Variants in NBEAL1 observed in about 807,000 individuals in gnomAD.
NBEAL1 encodes neurobeachin-like protein 1.
NBEAL1 carries 273 observed loss-of-function variants against 351.3 expected under a neutral mutation model. The ratio of observed to expected loss-of-function variants is 0.78; its 90% CI spans 0.70 to 0.86. The LOEUF (loss-of-function observed/expected upper bound fraction) is 0.86. NBEAL1 is among the 40% of genes least tolerant of loss of function. The pLI is 0.00. For synonymous variants in NBEAL1, 1,050 were observed against 1,086.4 expected (o/e 0.97, Z 0.66); for missense variants, 2,961 against 3,201.3 (o/e 0.92, Z 1.81).
In NBEAL1 at chr2:203,084,572, A is replaced by G. The variant is rs1170514761; in HGVS notation, c.1098+3A>G. The G allele has an allele frequency of 6.9e-7, 1 of 1,455,774 alleles. No homozygotes were observed. The highest frequency in any genetic ancestry group is 1.4e-5 in the South Asian group (1 of 72,246). The allele number at this position is 1,455,774 out of a possible 1,614,324, so 90.2% of individuals were successfully genotyped here. A position where few individuals can be genotyped will look rare whatever the true frequency, so the allele number is the denominator to read the frequency against. On this transcript the variant is annotated splice_donor_region_variant and intron_variant, in intron 10 of 55. Transcript: ENST00000683969. ...TACGACTGCTACAGAACTGCAAGGT[A>G]TTTTTCTATTATTGTTGTTGTCTTT...
At chr2:203,143,688 G>A (rs1244356725) in intron 31 of NBEAL1, among the ~76,000 whole-genome samples, 4 of 152,084 alleles carry the variant, frequency 2.6e-5, no homozygotes, top group Non-Finnish European at 5.9e-5. Flanking sequence ...AGCCATTGTT[G>A]GTAGACAGTT....
intron 31 of NBEAL1, 49 bp downstream of exon 31, chr2:203,138,797 T>A (rs1270816404): frequency 6.6e-7 from 1 of 1,523,872 alleles, no homozygotes; most frequent in African/African-American, 1.4e-5. Context: ...GCAGCATAGG[T>A]ATTATTTATG....
intron 47 of NBEAL1, among the ~76,000 whole-genome samples, chr2:203,196,646 C>T (rs966009034): frequency 2.6e-5 from 4 of 152,092 alleles, no homozygotes; most frequent in Non-Finnish European, 4.4e-5. Flanking sequence ...TACTTAGTCC[C>T]TATTAAGTTC....
At chr2:203,207,169 G>GC (rs2065614468) in intron 51 of NBEAL1, among the ~76,000 whole-genome samples, 1 of 151,262 alleles carries the variant, frequency 6.6e-6, no homozygotes, top group South Asian at 2.1e-4. Context: ...GAAGTGAGGA[G>GC]CCCCTCCGCC....
Position 203,149,094 on chromosome 2 carries a change from G to T in NBEAL1, c.5408G>T (p.Arg1803Leu). The part of the protein sequence containing the change: ...LSSQQLATLR[R>L]WKAIQLYLTC... ...AGTCAACAGTTAGCCACTCTTAGAC[G>T]CTGGAAAGCAATACAGCTCTATCTT... Residue 1803 changes from arginine (R) to leucine (L), a missense_variant, in exon 34 of 56, where the codon CGC (arginine) becomes CTC (leucine). Arg to Leu is a moderately radical substitution (Grantham distance 102). Coordinates refer to ENST00000683969, the MANE Select transcript of NBEAL1 (RefSeq NM_001378026.1). 2.5e-6 allele frequency: 4 copies of T among 1,612,274 alleles called. No homozygotes were observed. The highest frequency in any genetic ancestry group is 3.4e-6 in the Non-Finnish European group (4 of 1,178,804).
intron 51 of NBEAL1, among the ~76,000 whole-genome samples, chr2:203,207,025 T>C (rs373684754): frequency 6.9e-6 from 1 of 144,454 alleles, no homozygotes; most frequent in Admixed American, 6.9e-5. Flanking sequence ...AGCGTCTCTG[T>C]CCGGCCGCCC....
intron 24 of NBEAL1, among the ~76,000 whole-genome samples, chr2:203,128,809 G>A (rs1465912978): frequency 2.0e-5 from 3 of 151,788 alleles, no homozygotes; most frequent in Non-Finnish European, 4.4e-5. Flanking sequence ...TGTTGGCCAG[G>A]ATGGTCTCCA....
intron 2 of NBEAL1, among the ~76,000 whole-genome samples, chr2:203,033,171 T>G (rs2060979450): frequency 6.6e-6 from 1 of 151,906 alleles, no homozygotes; most frequent in African/African-American, 2.4e-5. Context: ...TGGCTAATTT[T>G]TTGTATTTTT....
rs753735000 is a variant in NBEAL1, at chr2:203,180,408, A to G, written c.6491A>G (p.His2164Arg). The change falls in exon 43 of 56, where the codon CAT becomes CGT. Residue 2164 changes from histidine to arginine, a missense_variant. Physicochemically the swap from His to Arg is conservative, Grantham distance 29 (BLOSUM62 0). Transcript: ENST00000683969. The part of the protein sequence containing the change: ...GRFDCADRQF[H>R]SIPATWQALM... ...TTTGACTGTGCAGATCGACAGTTCC[A>G]TTCTATTCCTGCTACCTGGCAAGCT... 2 of 1,612,210 alleles carry G rather than the reference A, an allele frequency of 1.2e-6. No individual in the cohort carries two copies. Among genetic ancestry groups the G allele is most frequent in the Admixed American group, 1.7e-5 (1 of 59,820 alleles).
intron 6 of NBEAL1, among the ~76,000 whole-genome samples, chr2:203,067,577 C>T (rs1408898489): frequency 2.6e-5 from 4 of 152,170 alleles, no homozygotes; most frequent in Non-Finnish European, 2.9e-5. Flanking sequence ...CTTAGACCAG[C>T]GCTTTATCAG....
intron 19 of NBEAL1, among the ~76,000 whole-genome samples, chr2:203,124,298 A>C (rs1409926856): frequency 2.0e-5 from 3 of 152,184 alleles, no homozygotes; most frequent in Non-Finnish European, 2.9e-5. Flanking sequence ...AGGCCAGTGC[A>C]CTCCAGCTGA....
rs190652017 is a variant in NBEAL1, at chr2:203,142,569, G to A, written c.4849-2031G>A. Among the ~76,000 whole-genome samples, 140 of 152,222 alleles carry A rather than the reference G, an allele frequency of 9.2e-4. 1 individual carries two copies. The highest frequency in any genetic ancestry group is 2.0e-3 in the Admixed American group (30 of 15,288). On this transcript the variant is annotated intron_variant, in intron 31 of 55. Transcript: ENST00000683969. Reference sequence around the variant, plus strand: ...TATGTCAGTATCCAAAATTAAAGCAGTAGTCAAGTAAATTATCTTATATTC... The same window carrying A: ...TATGTCAGTATCCAAAATTAAAGCAATAGTCAAGTAAATTATCTTATATTC...
chr2:203,075,200 T>C (rs1285017125), intron 7 of NBEAL1: 1 of 152,234 alleles, frequency 6.6e-6, no homozygotes, highest in Non-Finnish European at 1.5e-5. Context: ...TATATTTCCT[T>C]TATGGCAAGA....
intron 2 of NBEAL1, among the ~76,000 whole-genome samples, chr2:203,027,247 G>C (rs900506717): frequency 1.1e-4 from 16 of 152,062 alleles, no homozygotes; most frequent in African/African-American, 3.9e-4. Flanking sequence ...TAAAATAATG[G>C]AATTTACATT....
At chr2:203,211,243 A>G in intron 54 of NBEAL1, 137 bp downstream of exon 54, 1 of 531,482 alleles carries the variant, frequency 1.9e-6, no homozygotes, top group East Asian at 3.6e-5. Flanking sequence ...AGCAAGTATA[A>G]AAAATTGGAG....
chr2:203,184,218 G>A lies in NBEAL1; in HGVS notation c.6705+830G>A, dbSNP rs542923865. On this transcript the variant is annotated intron_variant, in intron 44 of 55. Coordinates refer to ENST00000683969, the MANE Select transcript of NBEAL1 (RefSeq NM_001378026.1). ...GGCCAAGGCGGGCAGATCACCTGAGGTCAGGAATTTGCAACCAGCCTGGCC... is the reference window on the plus strand; with the variant it reads ...GGCCAAGGCGGGCAGATCACCTGAGATCAGGAATTTGCAACCAGCCTGGCC... Among the ~76,000 whole-genome samples the A allele has an allele frequency of 2.6e-5, 4 of 151,994 alleles. No individual in the cohort carries two copies. In the East Asian group the frequency reaches 7.8e-4, roughly 29 times the overall value.
intron 2 of NBEAL1, among the ~76,000 whole-genome samples, chr2:203,027,149 A>G (rs543853123): frequency 1.3e-5 from 2 of 152,244 alleles, no homozygotes; most frequent in African/African-American, 4.8e-5. Context: ...GAAATGTGCC[A>G]TAGCCATATT....
At chr2:203,174,674 C>T (rs1250965887) in intron 41 of NBEAL1, among the ~76,000 whole-genome samples, 7 of 151,584 alleles carry the variant, frequency 4.6e-5, no homozygotes, top group South Asian at 4.2e-4. Flanking sequence ...AGGTGGATCA[C>T]AAGGTCAGGA....
intron 36 of NBEAL1, among the ~76,000 whole-genome samples, chr2:203,161,596 T>C (rs1284165256): frequency 3.3e-5 from 5 of 151,588 alleles, no homozygotes; most frequent in Non-Finnish European, 7.4e-5. Flanking sequence ...TCCACTGCAC[T>C]CCAGCCTGGG....
Sources: gnomAD v4.1 joint callset for allele counts (sites outside exome capture counted in the v4.1 genomes callset) on GRCh38, gnomAD v4.1.1 for gene constraint, MANE v1.5 for transcripts, NCBI Gene and HGNC (gene_info 2026-07-23, HGNC 2026-07-21) for gene names.